Variants in SLC26A9 observed in about 807,000 individuals in gnomAD.
SLC26A9 encodes the protein anion transporter/exchanger protein 9.
Under a neutral mutation model 87.1 loss-of-function variants are expected in SLC26A9, and 46 were observed. The observed-to-expected ratio is 0.53, with a 90% CI of 0.42 to 0.67. SLC26A9 has a LOEUF of 0.67. SLC26A9 is among the 30% of genes least tolerant of loss of function. The probability of loss-of-function intolerance (pLI) is 0.00; values close to 1 mark genes in which losing one functional copy is unlikely to be tolerated. For missense variants in SLC26A9, 927 were observed against 1,018.3 expected (o/e 0.91, Z 1.22); for synonymous variants, 437 against 409.1 (o/e 1.07, Z -0.82).
rs2102565455 is a variant in SLC26A9, at chr1:205,914,743, C to A, written c.*614G>T. The A allele has an allele frequency of 1.0e-6, 1 of 995,572 alleles. No homozygotes were observed. Among genetic ancestry groups the A allele is most frequent in the East Asian group, 2.5e-5 (1 of 40,260 alleles). The allele number at this position is 995,572 out of a possible 1,614,324, so 61.7% of individuals were successfully genotyped here. A position where few individuals can be genotyped will look rare whatever the true frequency, so the allele number is the denominator to read the frequency against. On this transcript the variant is annotated 3_prime_UTR_variant, in exon 21 of 21. Coordinates refer to ENST00000367135, the MANE Select transcript of SLC26A9 (RefSeq NM_052934.4). The stretch of plus-strand genomic sequence containing the variant: ...TTGCTGACAGCAGTGGTGGTTTGGG[C>A]AGCCTTGGGGATGATGGAGGGGGGG...
intron 1 of SLC26A9, among the ~76,000 whole-genome samples, chr1:205,941,270 G>A (rs1260676575): frequency 6.6e-6 from 1 of 152,146 alleles, no homozygotes; most frequent in African/African-American, 2.4e-5. Flanking sequence ...CTGGGTTCAA[G>A]CAATTCTCCT....
At chr1:205,920,564 G>A (rs1018288729) in intron 17 of SLC26A9, among the ~76,000 whole-genome samples, 2 of 152,024 alleles carry the variant, frequency 1.3e-5, no homozygotes, top group Admixed American at 6.6e-5. Context: ...GCAGTGGCGT[G>A]ATCTTGGCTC....
intron 1 of SLC26A9, 90 bp from the exon 2 acceptor site, chr1:205,935,928 A>T: frequency 7.0e-7 from 1 of 1,434,690 alleles, no homozygotes; most frequent in Non-Finnish European, 9.2e-7. Context: ...GCAGTAGCAG[A>T]GTTTTATTCT....
rs1262122967 is a variant in SLC26A9, at chr1:205,915,334, C to T, written c.*23G>A. ...TCCCAAGTGCCAGGCACTCTGTAGG[C>T]AGCATGAGGACTGGCTGAGCCCTCA... is the stretch of plus-strand genomic sequence containing the variant. On this transcript the variant is annotated 3_prime_UTR_variant, in exon 21 of 21. Transcript: ENST00000367135. The T allele has an allele frequency of 6.2e-7, 1 of 1,613,988 alleles. No homozygotes were observed.
At chr1:205,922,695 G>A (rs903977999) in intron 16 of SLC26A9, among the ~76,000 whole-genome samples, 5 of 152,194 alleles carry the variant, frequency 3.3e-5, no homozygotes, top group Non-Finnish European at 7.3e-5. Flanking sequence ...CTGAGGTCAG[G>A]AGTTTGACAC....
Position 205,931,887 on chromosome 1 carries a change from C to T in SLC26A9, c.525G>A (p.Thr175=), listed in dbSNP as rs534189797. The T allele has an allele frequency of 1.1e-5, 18 of 1,613,744 alleles. No homozygotes were observed. Among genetic ancestry groups the T allele is most frequent in the African/African-American group, 2.7e-5 (2 of 75,034 alleles). Residue 175 remains threonine, a synonymous_variant, in exon 5 of 21, where the codon ACG becomes ACA. Coordinates refer to ENST00000367135, the MANE Select transcript of SLC26A9 (RefSeq NM_052934.4). ...MEAERLHVSA[T]LACLTAIIQM... ...GGATGATGGCGGTGAGGCAGGCTAG[C>T]GTAGCTGACACGTGCAGCCTCTCAG...
intron 1 of SLC26A9, 108 bp from the exon 2 acceptor site, chr1:205,935,946 C>T (rs1053786516): frequency 2.3e-6 from 3 of 1,317,264 alleles, no homozygotes; most frequent in Non-Finnish European, 2.0e-6. Context: ...TCTGGCCTTC[C>T]CCGCCCCGAT....
intron 6 of SLC26A9, 42 bp downstream of exon 6, chr1:205,929,850 T>A: frequency 5.1e-6 from 8 of 1,553,914 alleles, no homozygotes; most frequent in Non-Finnish European, 7.0e-6. Context: ...ATGTGTCTGC[T>A]GGAGCCTTGC....
chr1:205,915,336 G>A lies in SLC26A9; in HGVS notation c.*21C>T. 6.2e-7 allele frequency: 1 copy of A among 1,614,082 alleles called. No homozygotes were observed. The highest frequency in any genetic ancestry group is 8.5e-7 in the Non-Finnish European group (1 of 1,179,966). On this transcript the variant is annotated 3_prime_UTR_variant, in exon 21 of 21. Coordinates refer to ENST00000367135, the MANE Select transcript of SLC26A9 (RefSeq NM_052934.4). ...CCAAGTGCCAGGCACTCTGTAGGCA[G>A]CATGAGGACTGGCTGAGCCCTCACA...
In SLC26A9 at chr1:205,915,403, T is replaced by G; in HGVS notation, c.2330A>C (p.Glu777Ala). The change falls in exon 21 of 21, where the codon GAG becomes GCG. Residue 777 changes from glutamate to alanine, a missense_variant and splice_region_variant. Transcript: ENST00000367135. ...DIRSYWDLEQ[E>A]MFGSMFHAET... ...TGCGTGAAACATGCTCCCGAACATC[T>G]CCTGCAGGAACCACAGGAAGGAAGT... 1.2e-6 allele frequency: 2 copies of G among 1,613,936 alleles called. No homozygotes were observed. Among genetic ancestry groups the G allele is most frequent in the Non-Finnish European group, 1.7e-6 (2 of 1,179,988 alleles).
rs1164158897 is a variant in SLC26A9, at chr1:205,931,844, G to C, written c.552+16C>G. The C allele has an allele frequency of 1.2e-6, 2 of 1,608,794 alleles. No homozygotes were observed. The highest frequency in any genetic ancestry group is 1.1e-5 in the South Asian group (1 of 90,452). ...GTCTGATGCCCTTCTAGCAGGGTTG[G>C]GGGCTGCCCCCTCACCTGGATGATG... On this transcript the variant is annotated intron_variant, in intron 5 of 20. Transcript: ENST00000367135.
Position 205,914,951 on chromosome 1 carries a change from T to C in SLC26A9, c.*406A>G. On this transcript the variant is annotated 3_prime_UTR_variant, in exon 21 of 21. Transcript: ENST00000367135. ...GAGCCGTGTGGGCTCTGGGACACTT[T>C]TTGAAGCTTGTACAGCAGGCCAGCA... The C allele has an allele frequency of 1.9e-6, 3 of 1,614,154 alleles. No individual in the cohort carries two copies. Among genetic ancestry groups the C allele is most frequent in the East Asian group, 2.2e-5 (1 of 44,886 alleles).
At chr1:205,916,826 G>A (rs571447638) in intron 20 of SLC26A9, among the ~76,000 whole-genome samples, 26 of 152,288 alleles carry the variant, frequency 1.7e-4, no homozygotes, top group Non-Finnish European at 2.8e-4. Context: ...CAAAGGCCAG[G>A]CATCGTGGCT....
rs768352828 is a variant in SLC26A9 at position 205,923,094 on chromosome 1, G to C, written c.1761C>G (p.Phe587Leu). ...GGCCTTCATTCACCTTGGTTTTCAT[G>C]AATAGAGACCTCCTCTGTTGTGTGG... is the stretch of plus-strand genomic sequence containing the variant. Reference protein sequence around the residue: ...MRPTQQRRSLFMKTKTVSLQE... With the variant: ...MRPTQQRRSLLMKTKTVSLQE... Residue 587 changes from phenylalanine to leucine, a missense_variant, in exon 16 of 21, where the codon TTC (phenylalanine) becomes TTG (leucine). Physicochemically the swap from Phe to Leu is conservative, Grantham distance 22. Coordinates refer to ENST00000367135, the MANE Select transcript of SLC26A9 (RefSeq NM_052934.4). The C allele has an allele frequency of 6.2e-7, 1 of 1,614,000 alleles. No individual in the cohort carries two copies. The highest frequency in any genetic ancestry group is 8.5e-7 in the Non-Finnish European group (1 of 1,179,946).
chr1:205,920,752 C>A (rs1658793549), intron 17 of SLC26A9, among the ~76,000 whole-genome samples: 1 of 152,240 alleles, frequency 6.6e-6, no homozygotes, highest in Admixed American at 6.5e-5. Context: ...CCTGCCTTGG[C>A]CTCCCAAAGT....
At position 205,923,619 on chromosome 1, in the gene SLC26A9, T is replaced by C. The variant is rs1217947707; in HGVS notation, c.1497-6A>G. On this transcript the variant is annotated splice_region_variant and splice_polypyrimidine_tract_variant and intron_variant, in intron 13 of 20. Transcript: ENST00000367135. ...CCAGTGCATAGCCATTTCGACTGGA[T>C]GAAGCAGGAAGAGAAAAACATAAGA... is the stretch of plus-strand genomic sequence containing the variant. The C allele has an allele frequency of 3.1e-6, 5 of 1,614,160 alleles. No individual in the cohort carries two copies. Among genetic ancestry groups the C allele is most frequent in the East Asian group, 2.2e-5 (1 of 44,886 alleles).
chr1:205,920,236 A>G lies in SLC26A9; in HGVS notation c.2056-6T>C. The G allele has an allele frequency of 6.2e-7, 1 of 1,613,944 alleles. No homozygotes were observed. Among genetic ancestry groups the G allele is most frequent in the East Asian group, 2.2e-5 (1 of 44,874 alleles). On this transcript the variant is annotated splice_region_variant and splice_polypyrimidine_tract_variant and intron_variant, in intron 17 of 20. Coordinates refer to ENST00000367135, the MANE Select transcript of SLC26A9 (RefSeq NM_052934.4). ...TTCCCATAGGTGGAGCTCAGCTAGA[A>G]GTGTTGTTGGGGTAGGGAGGCAAAA...
chr1:205,919,489 C>G (rs1658732363), intron 18 of SLC26A9, among the ~76,000 whole-genome samples: 1 of 152,144 alleles, frequency 6.6e-6, no homozygotes, highest in Non-Finnish European at 1.5e-5. Context: ...AGATTCTCTC[C>G]CCGAACGTGG....
intron 4 of SLC26A9, among the ~76,000 whole-genome samples, chr1:205,932,344 C>G (rs1659339802): frequency 6.6e-6 from 1 of 152,186 alleles, no homozygotes; most frequent in East Asian, 1.9e-4. Context: ...TCACTTAGCA[C>G]CAGAGAAGTC....
Sources: allele counts gnomAD v4.1 joint callset (sites outside exome capture counted in the v4.1 genomes callset), GRCh38; gene constraint gnomAD v4.1.1; transcripts MANE v1.5; gene names NCBI Gene and HGNC (gene_info 2026-07-23, HGNC 2026-07-21).